Variants in KCNN2 observed in about 807,000 individuals in gnomAD.
The protein encoded by KCNN2 is small conductance calcium-activated potassium channel protein 2.
A neutral mutation model predicts 55.5 loss-of-function variants in KCNN2; 24 were observed. That is an observed-to-expected ratio of 0.43 (90% CI 0.31 to 0.61). The LOEUF (loss-of-function observed/expected upper bound fraction) is 0.61. Among genes scored for constraint, KCNN2 ranks in the 20% least tolerant of loss-of-function variants. The probability of loss-of-function intolerance (pLI) is 0.08; values close to 1 mark genes in which losing one functional copy is unlikely to be tolerated. For synonymous variants in KCNN2, 431 were observed against 336.1 expected, an observed-to-expected ratio of 1.28 and a Z score of -3.09; for missense variants, 754 against 853.6, an observed-to-expected ratio of 0.88 and a Z score of 1.45.
intron 2 of KCNN2, among the ~76,000 whole-genome samples, chr5:114,291,176 G>C (rs750580954): frequency 8.8e-5 from 13 of 147,092 alleles, no homozygotes; most frequent in Non-Finnish European, 1.5e-4. Context: ...AGTAATATAT[G>C]AGCTTTTTTA....
At chr5:114,321,525 A>C (rs1386607982) in intron 2 of KCNN2, among the ~76,000 whole-genome samples, 1 of 152,202 alleles carries the variant, frequency 6.6e-6, no homozygotes, top group African/African-American at 2.4e-5. Flanking sequence ...CAGGAAATGA[A>C]AGCACAGGGA....
chr5:114,291,890 G>A (rs533846930), intron 2 of KCNN2, among the ~76,000 whole-genome samples: 99 of 152,236 alleles, frequency 6.5e-4, no homozygotes, highest in Middle Eastern at 3.4e-3. Context: ...ATTCTAACTG[G>A]TGTGAGATGG....
chr5:114,357,665 T>G (rs41235), upstream of KCNN2, among the ~76,000 whole-genome samples: 83,808 of 95,114 alleles, frequency 0.88, 37,138 homozygotes, highest in East Asian at 0.99. Context: ...TTCCATGGTG[T>G]ATATGTGCCA....
chr5:114,351,029 G>C (rs917001344), intron 2 of KCNN2, among the ~76,000 whole-genome samples: 5 of 151,778 alleles, frequency 3.3e-5, no homozygotes, highest in Admixed American at 6.6e-5. Context: ...GATTGTATCT[G>C]TGGGTCAGTT....
chr5:114,495,948 C>G lies in KCNN2; in HGVS notation c.2142C>G (p.Asp714Glu), dbSNP rs1748095709. 12 of 1,613,904 alleles carry G rather than the reference C, an allele frequency of 7.4e-6. No homozygotes were observed. In the East Asian group the frequency reaches 1.8e-4, roughly 24 times the overall value. The change falls in exon 8 of 8, where the codon GAC becomes GAG. Residue 714 changes from aspartate to glutamate, a missense_variant. Physicochemically the swap from Asp to Glu is conservative, Grantham distance 45. Coordinates refer to ENST00000673685, the MANE Select transcript of KCNN2 (RefSeq NM_021614.4). Reference sequence around the variant, plus strand: ...CTGACTTAAACGAAAGGAGTGAAGACTTCGAGAAGAGGATTGTTACCCTGG... The same window carrying G: ...CTGACTTAAACGAAAGGAGTGAAGAGTTCGAGAAGAGGATTGTTACCCTGG... ...MISDLNERSE[D>E]FEKRIVTLET...
intron 1 of KCNN2, among the ~76,000 whole-genome samples, chr5:114,175,515 A>C (rs1308923126): frequency 6.6e-6 from 1 of 152,152 alleles, no homozygotes; most frequent in Non-Finnish European, 1.5e-5. Context: ...ACTTTTGTTG[A>C]TATACTCAAA....
chr5:114,423,018 A>G lies in KCNN2; in HGVS notation c.1637+18162A>G, dbSNP rs187006344. Among the ~76,000 whole-genome samples, 82 of 152,372 alleles carry G rather than the reference A, an allele frequency of 5.4e-4. No homozygotes were observed. The South Asian group carries it at 9.5e-3, about 18-fold the overall frequency. On this transcript the variant is annotated intron_variant, in intron 3 of 7. Coordinates refer to ENST00000673685, the MANE Select transcript of KCNN2 (RefSeq NM_021614.4). The stretch of plus-strand genomic sequence containing the variant: ...AAGTATCCACATCTCCCAGCACATA[A>G]GCTGGCACAAAGCTGGTGTTCAATT...
At chr5:114,147,980 A>G (rs755832240) in intron 1 of KCNN2, among the ~76,000 whole-genome samples, 41 of 152,174 alleles carry the variant, frequency 2.7e-4, no homozygotes, top group Non-Finnish European at 5.6e-4. Flanking sequence ...CAATCAGTAT[A>G]TCATCCACAT....
intron 3 of KCNN2, among the ~76,000 whole-genome samples, chr5:114,422,430 C>G (rs2150081814): frequency 6.6e-6 from 1 of 152,130 alleles, no homozygotes; most frequent in South Asian, 2.1e-4. Context: ...GGGCCCTCAC[C>G]CGACACTGAA....
At chr5:114,305,272 G>C (rs1756244892) in intron 2 of KCNN2, among the ~76,000 whole-genome samples, 2 of 152,154 alleles carry the variant, frequency 1.3e-5, no homozygotes, top group Non-Finnish European at 2.9e-5. Flanking sequence ...AAATTCACTG[G>C]TTTGCCTAGG....
intron 1 of KCNN2, among the ~76,000 whole-genome samples, chr5:114,176,666 G>T (rs780782198): frequency 5.9e-5 from 9 of 152,174 alleles, no homozygotes; most frequent in Middle Eastern, 6.8e-3. Flanking sequence ...CATGTCAAAG[G>T]TGTTCTTCTA....
chr5:114,117,293 G>C (rs577729130), intron 1 of KCNN2, among the ~76,000 whole-genome samples: 2 of 152,230 alleles, frequency 1.3e-5, no homozygotes. Flanking sequence ...TCGTCTTACA[G>C]AGGGCAGCCT....
At chr5:114,316,096 A>G (rs1246321153) in intron 2 of KCNN2, among the ~76,000 whole-genome samples, 1 of 152,162 alleles carries the variant, frequency 6.6e-6, no homozygotes, top group African/African-American at 2.4e-5. Context: ...TCACACACGC[A>G]TATAGTGTGT....
chr5:114,488,093 T>C (rs537966167), intron 6 of KCNN2, among the ~76,000 whole-genome samples: 44 of 152,344 alleles, frequency 2.9e-4, no homozygotes, highest in Non-Finnish European at 6.0e-4. Flanking sequence ...ATGGTACCAC[T>C]AACATTCTAT....
At chr5:114,070,894 G>T (rs564036120) in intron 1 of KCNN2, among the ~76,000 whole-genome samples, 1 of 152,080 alleles carries the variant, frequency 6.6e-6, no homozygotes, top group African/African-American at 2.4e-5. Flanking sequence ...AGGAATTAAT[G>T]CCATTTTTAA....
At chr5:114,249,326 T>C (rs1190022544) in intron 2 of KCNN2, among the ~76,000 whole-genome samples, 1 of 150,696 alleles carries the variant, frequency 6.6e-6, no homozygotes, top group Non-Finnish European at 1.5e-5. Context: ...CTCTGTCACC[T>C]AGGCTGGGTG....
upstream of KCNN2, chr5:114,360,902 T>C (rs1257444062): frequency 2.0e-5 from 3 of 152,220 alleles, no homozygotes; most frequent in Admixed American, 1.3e-4. Context: ...TGCTCGATAT[T>C]TGCGTATTTG....
intron 1 of KCNN2, among the ~76,000 whole-genome samples, chr5:114,170,312 G>A (rs1450890261): frequency 6.6e-6 from 1 of 151,994 alleles, no homozygotes; most frequent in Non-Finnish European, 1.5e-5. Flanking sequence ...GATTTTTAAG[G>A]ATTTGCTAAG....
chr5:114,441,914 G>C (rs1409362881), intron 3 of KCNN2, among the ~76,000 whole-genome samples: 1 of 152,184 alleles, frequency 6.6e-6, no homozygotes. Flanking sequence ...GACTGCCAGT[G>C]AGTAGCCAAA....
Sources: allele counts gnomAD v4.1 joint callset (sites outside exome capture counted in the v4.1 genomes callset), GRCh38; gene constraint gnomAD v4.1.1; transcripts MANE v1.5; gene names NCBI Gene and HGNC (gene_info 2026-07-23, HGNC 2026-07-21).